DLGAP1: variants seen among roughly 807,000 people sequenced by gnomAD.
DLGAP1 encodes the protein disks large-associated protein 1.
Under a neutral mutation model 90.8 loss-of-function variants are expected in DLGAP1, and 11 were observed. That is an observed-to-expected ratio of 0.12 (90% CI 0.08 to 0.20). DLGAP1 has a LOEUF of 0.20. DLGAP1 is among the 10% of genes least tolerant of loss of function. DLGAP1 has a pLI of 1.00. For synonymous variants in DLGAP1, 558 were observed against 540.7 expected (o/e 1.03, Z -0.44); for missense variants, 1,050 against 1,333.8 (o/e 0.79, Z 3.31).
intron 1 of DLGAP1, among the ~76,000 whole-genome samples, chr18:4,322,310 G>A (rs2080711438): frequency 6.6e-6 from 1 of 152,090 alleles, no homozygotes; most frequent in African/African-American, 2.4e-5. Flanking sequence ...CAAAGGGAGT[G>A]GAATAGGAGA....
intron 7 of DLGAP1, among the ~76,000 whole-genome samples, chr18:3,609,129 T>C (rs1047603539): frequency 2.6e-5 from 4 of 151,986 alleles, no homozygotes; most frequent in African/African-American, 9.7e-5. Context: ...GCACCCAGCC[T>C]GATCTGTAAT....
At chr18:4,346,569 T>C (rs891718362) in intron 1 of DLGAP1, among the ~76,000 whole-genome samples, 2 of 152,214 alleles carry the variant, frequency 1.3e-5, no homozygotes, top group African/African-American at 4.8e-5. Context: ...ATTAGGAAAC[T>C]GATAATCGGG....
intron 2 of DLGAP1, among the ~76,000 whole-genome samples, chr18:4,043,632 TC>T: frequency 6.6e-6 from 1 of 152,264 alleles, no homozygotes; most frequent in East Asian, 1.9e-4. Context: ...TACTTCAACA[TC>T]CCCAGTTTGA....
intron 1 of DLGAP1, among the ~76,000 whole-genome samples, chr18:4,224,391 G>T (rs1194787397): frequency 6.6e-6 from 1 of 152,160 alleles, no homozygotes; most frequent in Non-Finnish European, 1.5e-5. Flanking sequence ...GTACCAAGGG[G>T]GATCTTGGGG....
At chr18:4,313,377 C>T (rs761734795) in intron 1 of DLGAP1, among the ~76,000 whole-genome samples, 2 of 152,098 alleles carry the variant, frequency 1.3e-5, no homozygotes, top group East Asian at 3.9e-4. Context: ...TGAGAAATGG[C>T]TACCTGTTTG....
chr18:4,412,990 T>C (rs1358475267), intron 1 of DLGAP1, among the ~76,000 whole-genome samples: 1 of 152,148 alleles, frequency 6.6e-6, no homozygotes, highest in East Asian at 1.9e-4. Flanking sequence ...GCCCATGATA[T>C]TCACAAGGAG....
At chr18:3,994,281 C>T (rs1568340083) in intron 3 of DLGAP1, among the ~76,000 whole-genome samples, 1 of 152,198 alleles carries the variant, frequency 6.6e-6, no homozygotes, top group African/African-American at 2.4e-5. Flanking sequence ...GCAGCCTGTC[C>T]ACAGCTCTAG....
chr18:4,258,415 T>C (rs2078939865), intron 1 of DLGAP1, among the ~76,000 whole-genome samples: 2 of 152,124 alleles, frequency 1.3e-5, no homozygotes, highest in Non-Finnish European at 2.9e-5. Flanking sequence ...GTTTCCATTT[T>C]TGAAGGACAA....
chr18:3,874,878 T>C, intron 4 of DLGAP1: 2 of 880,010 alleles, frequency 2.3e-6, no homozygotes, highest in Middle Eastern at 2.5e-4. Context: ...CATAATACAA[T>C]TGACCGTATT....
At chr18:4,117,045 G>T (rs2076074042) in intron 2 of DLGAP1, among the ~76,000 whole-genome samples, 1 of 152,142 alleles carries the variant, frequency 6.6e-6, no homozygotes, top group Admixed American at 6.5e-5. Flanking sequence ...TCATATGAGT[G>T]GGCCCTAATG....
chr18:4,423,120 A>C (rs1185951253), intron 1 of DLGAP1, among the ~76,000 whole-genome samples: 1 of 152,170 alleles, frequency 6.6e-6, no homozygotes, highest in Admixed American at 6.6e-5. Context: ...AAAAATTCCC[A>C]TGAAATTGTT....
chr18:4,296,236 A>G (rs987820137), intron 1 of DLGAP1, among the ~76,000 whole-genome samples: 11 of 152,088 alleles, frequency 7.2e-5, no homozygotes, highest in African/African-American at 2.7e-4. Flanking sequence ...TAAACAGTAC[A>G]TTTTCTGAAG....
At chr18:3,539,144 T>C (rs1418743116) in intron 9 of DLGAP1, among the ~76,000 whole-genome samples, 1 of 152,258 alleles carries the variant, frequency 6.6e-6, no homozygotes, top group Non-Finnish European at 1.5e-5. Context: ...AAATGATTTA[T>C]GTCTTTCATA....
intron 1 of DLGAP1, among the ~76,000 whole-genome samples, chr18:4,360,800 A>G (rs4798221): frequency 0.24 from 36,811 of 151,990 alleles, 4,529 homozygotes; most frequent in East Asian, 0.34. Flanking sequence ...CCAACATGGC[A>G]AAACCCTGTC....
intron 7 of DLGAP1, among the ~76,000 whole-genome samples, chr18:3,591,259 A>C (rs963845574): frequency 2.0e-5 from 3 of 152,202 alleles, no homozygotes; most frequent in African/African-American, 7.2e-5. Context: ...CCAAAAGAAA[A>C]AAAAGAAACT....
At chr18:3,997,931 G>T (rs2074103111) in intron 3 of DLGAP1, among the ~76,000 whole-genome samples, 1 of 151,998 alleles carries the variant, frequency 6.6e-6, no homozygotes, top group Non-Finnish European at 1.5e-5. Flanking sequence ...CATTTCAAAT[G>T]CTCAGTAGCC....
At chr18:4,066,308 A>G (rs2075369025) in intron 2 of DLGAP1, among the ~76,000 whole-genome samples, 2 of 152,188 alleles carry the variant, frequency 1.3e-5, no homozygotes, top group Non-Finnish European at 2.9e-5. Context: ...AAAGTAGACA[A>G]ATATGTTCTA....
intron 7 of DLGAP1, among the ~76,000 whole-genome samples, chr18:3,716,301 C>T (rs1253212710): frequency 6.6e-6 from 1 of 152,160 alleles, no homozygotes; most frequent in Non-Finnish European, 1.5e-5. Context: ...GTAATCCCAG[C>T]ATTTTGGGAG....
At chr18:3,725,268 A>G (rs1244647836) in intron 7 of DLGAP1, among the ~76,000 whole-genome samples, 1 of 152,218 alleles carries the variant, frequency 6.6e-6, no homozygotes, top group Non-Finnish European at 1.5e-5. Context: ...TGGTATCACC[A>G]GATACAAGTC....
Sources: allele counts gnomAD v4.1 joint callset (sites outside exome capture counted in the v4.1 genomes callset), GRCh38; gene constraint gnomAD v4.1.1; transcripts MANE v1.5; gene names NCBI Gene and HGNC (gene_info 2026-07-23, HGNC 2026-07-21).